The following MRAP2 variants were observed in gnomAD, a reference collection of about 807,000 sequenced individuals.
MRAP2 encodes the protein melanocortin-2 receptor accessory protein 2.
In MRAP2, 20 loss-of-function variants were observed where a neutral mutation model predicts 17.4. The ratio of observed to expected loss-of-function variants is 1.15; its 90% CI spans 0.81 to 1.67. The LOEUF is 1.67. MRAP2 is among the 40% of genes most tolerant of loss of function. MRAP2 has a pLI of 0.00. For missense variants in MRAP2, 238 were observed against 240.0 expected, an observed-to-expected ratio of 0.99 and a Z score of 0.05; for synonymous variants, 96 against 88.4, an observed-to-expected ratio of 1.09 and a Z score of -0.48.
intron 2 of MRAP2, among the ~76,000 whole-genome samples, chr6:84,060,785 A>C (rs1372955994): frequency 2.0e-5 from 3 of 150,146 alleles, no homozygotes; most frequent in African/African-American, 7.4e-5. Flanking sequence ...TGCCGGGTTC[A>C]CGCCATTCTC....
At chr6:84,118,069 C>G in the MRAP2 span, among the ~76,000 whole-genome samples, 1 of 152,200 alleles carries the variant, frequency 6.6e-6, no homozygotes, top group African/African-American at 2.4e-5. Context: ...TGCCTGCAGG[C>G]TGGACTGGCT....
intron 3 of MRAP2, among the ~76,000 whole-genome samples, chr6:84,075,661 G>GA (rs1199081654): frequency 6.6e-6 from 1 of 152,140 alleles, no homozygotes; most frequent in Non-Finnish European, 1.5e-5. Context: ...CGGACTTCTT[G>GA]AAAAATTATC....
At chr6:84,055,654 A>G (rs1022217410) in intron 2 of MRAP2, among the ~76,000 whole-genome samples, 2 of 152,232 alleles carry the variant, frequency 1.3e-5, no homozygotes, top group Non-Finnish European at 2.9e-5. Flanking sequence ...AATTGATGAA[A>G]GACTAAAAAA....
intron 1 of MRAP2, among the ~76,000 whole-genome samples, chr6:84,051,613 T>C (rs2099490443): frequency 6.6e-6 from 1 of 152,020 alleles, no homozygotes; most frequent in Admixed American, 6.6e-5. Context: ...ATCTCAGCAC[T>C]TTGGGAGGCT....
chr6:84,094,154 G>T (rs2099502261), downstream of MRAP2, among the ~76,000 whole-genome samples: 1 of 152,082 alleles, frequency 6.6e-6, no homozygotes, highest in African/African-American at 2.4e-5. Flanking sequence ...GTACTTAAAT[G>T]GATAAAATGA....
intron 2 of MRAP2, among the ~76,000 whole-genome samples, chr6:84,055,685 G>A (rs951828417): frequency 1.3e-5 from 2 of 152,162 alleles, no homozygotes; most frequent in African/African-American, 4.8e-5. Context: ...AGGAGAACAT[G>A]AATCAATGTC....
At chr6:84,037,865 C>T (rs889224968) in intron 1 of MRAP2, among the ~76,000 whole-genome samples, 1 of 152,140 alleles carries the variant, frequency 6.6e-6, no homozygotes, top group African/African-American at 2.4e-5. Flanking sequence ...GCTCCAGCCT[C>T]GGCCAGCCCA....
intron 3 of MRAP2, among the ~76,000 whole-genome samples, chr6:84,084,697 A>G (rs1373224191): frequency 6.6e-6 from 1 of 152,046 alleles, no homozygotes; most frequent in African/African-American, 2.4e-5. Context: ...TATTAACTCT[A>G]TATTTGCAGT....
At chr6:84,058,594 A>G (rs1325683165) in intron 2 of MRAP2, among the ~76,000 whole-genome samples, 2 of 152,188 alleles carry the variant, frequency 1.3e-5, no homozygotes, top group African/African-American at 4.8e-5. Flanking sequence ...AGTCATCAGC[A>G]TGTAAACGGT....
At chr6:84,131,169 G>A in the MRAP2 span, among the ~76,000 whole-genome samples, 1 of 152,184 alleles carries the variant, frequency 6.6e-6, no homozygotes, top group South Asian at 2.1e-4. Flanking sequence ...GCAGTTTTGA[G>A]TGAGTTTTTT....
chr6:84,057,014 A>G (rs144412919), intron 2 of MRAP2, among the ~76,000 whole-genome samples: 59 of 152,328 alleles, frequency 3.9e-4, no homozygotes, highest in African/African-American at 1.4e-3. Flanking sequence ...GTTAATTTTA[A>G]TATTCACGTC....
At chr6:84,047,098 T>G (rs1464845366) in intron 1 of MRAP2, among the ~76,000 whole-genome samples, 1 of 152,028 alleles carries the variant, frequency 6.6e-6, no homozygotes, top group African/African-American at 2.4e-5. Context: ...CTCTTTTGCT[T>G]TAGAGAGTTC....
chr6:84,084,904 T>TTTA lies in MRAP2; in HGVS notation c.228-4185_228-4184insATT, dbSNP rs1324571225. Among the ~76,000 whole-genome samples, 403 of 109,474 alleles carry TTTA rather than the reference T, an allele frequency of 3.7e-3. 4 individuals carry two copies. The highest frequency in any genetic ancestry group is 0.016 in the African/African-American group (386 of 24,394). 71.8% of individuals were successfully genotyped at this position (109,474 alleles called of 152,430 possible). A position where few individuals can be genotyped will look rare whatever the true frequency, so the allele number is the denominator to read the frequency against. The stretch of plus-strand genomic sequence containing the variant: ...TTTTATTTTATTTTATTTTATTTTA[T>TTTA]TTTATTTTATTTATTTATTTTATTT... On this transcript the variant is annotated intron_variant, in intron 3 of 3. Transcript: ENST00000257776.
At chr6:84,114,969 G>A in the MRAP2 span, among the ~76,000 whole-genome samples, 21 of 152,298 alleles carry the variant, frequency 1.4e-4, 1 homozygote, top group Admixed American at 4.6e-4. Flanking sequence ...AGGGGCACCC[G>A]TCAGATGCCA....
At chr6:84,104,365 TCCC>T in the MRAP2 span, among the ~76,000 whole-genome samples, 448 of 152,326 alleles carry the variant, frequency 2.9e-3, 1 homozygote, top group African/African-American at 0.01. Flanking sequence ...GAAGATATTT[TCCC>T]CATTATCTTG....
At chr6:84,037,051 G>A (rs1044316914) in intron 1 of MRAP2, among the ~76,000 whole-genome samples, 3 of 151,832 alleles carry the variant, frequency 2.0e-5, no homozygotes, top group African/African-American at 7.3e-5. Context: ...TAGACAAAGA[G>A]TGCTGATTGG....
intron 1 of MRAP2, chr6:84,045,386 C>A (rs1420086957): frequency 1.7e-5 from 17 of 985,146 alleles, no homozygotes; most frequent in Non-Finnish European, 1.6e-5. Context: ...CCCCCAAGAC[C>A]TCTGTGCTCT....
chr6:84,035,182 G>A (rs2099485654), intron 1 of MRAP2, among the ~76,000 whole-genome samples: 1 of 152,170 alleles, frequency 6.6e-6, no homozygotes, highest in Non-Finnish European at 1.5e-5. Flanking sequence ...CTCGAAGCCC[G>A]AAACTGGACT....
At chr6:84,144,523 T>A in the MRAP2 span, among the ~76,000 whole-genome samples, 2 of 152,120 alleles carry the variant, frequency 1.3e-5, no homozygotes, top group Non-Finnish European at 2.9e-5. Flanking sequence ...TCCTAAGAGC[T>A]TTTGTAAGCA....
Sources: allele counts gnomAD v4.1 joint callset (sites outside exome capture counted in the v4.1 genomes callset), GRCh38; gene constraint gnomAD v4.1.1; transcripts MANE v1.5; gene names NCBI Gene and HGNC (gene_info 2026-07-23, HGNC 2026-07-21).